Variants in NPIPA1 observed in about 807,000 individuals in gnomAD.
The protein encoded by NPIPA1 is nuclear pore complex interacting protein family member A1.
For synonymous variants in NPIPA1, 7 were observed against 88.0 expected (o/e 0.08, Z 5.15); for missense variants, 22 against 232.2 (o/e 0.09, Z 5.88).
At chr16:14,948,183 G>GC (rs1186514159) in intron 4 of NPIPA1, among the ~76,000 whole-genome samples, 201 of 152,066 alleles carry the variant, frequency 1.3e-3, no homozygotes, top group African/African-American at 4.3e-3. Flanking sequence ...TCCTTTTTCT[G>GC]CCCTCAATCT....
intron 2 of NPIPA1, among the ~76,000 whole-genome samples, chr16:14,943,758 A>T (rs1375277715): frequency 6.6e-5 from 10 of 151,766 alleles, no homozygotes; most frequent in African/African-American, 2.4e-4. Flanking sequence ...ATCTTTTTAG[A>T]TTACCCATTG....
chr16:14,944,907 A>ATTTTT (rs71270869), intron 2 of NPIPA1, among the ~76,000 whole-genome samples: 1 of 123,120 alleles, frequency 8.1e-6, no homozygotes, highest in Non-Finnish European at 1.7e-5. Flanking sequence ...CCTGGCCTAT[A>ATTTTT]TTTTTTTTTT....
At chr16:14,944,050 G>A (rs1309693370) in intron 2 of NPIPA1, among the ~76,000 whole-genome samples, 1 of 152,076 alleles carries the variant, frequency 6.6e-6, no homozygotes, top group African/African-American at 2.4e-5. Context: ...TTGGGAGGCC[G>A]AGGCACAAGA....
At chr16:14,946,521 C>CT (rs60690721) in intron 4 of NPIPA1, among the ~76,000 whole-genome samples, 6 of 142,772 alleles carry the variant, frequency 4.2e-5, no homozygotes, top group African/African-American at 1.3e-4. Flanking sequence ...CACACCCAGG[C>CT]TTTTTTTTTT....
intron 1 of NPIPA1, among the ~76,000 whole-genome samples, chr16:14,938,538 A>G (rs1428252386): frequency 1.4e-5 from 2 of 141,790 alleles, no homozygotes; most frequent in Non-Finnish European, 3.0e-5. Context: ...TCTCTACAAA[A>G]AATTCCAAAA....
At chr16:14,949,564 T>A in intron 5 of NPIPA1, 1 of 480,554 alleles carries the variant, frequency 2.1e-6, no homozygotes, top group East Asian at 7.4e-5. Flanking sequence ...ATAGCAACAG[T>A]TTGGATCAGA....
At chr16:14,938,691 G>A (rs1459617603) in intron 1 of NPIPA1, among the ~76,000 whole-genome samples, 16 of 150,490 alleles carry the variant, frequency 1.1e-4, no homozygotes, top group Admixed American at 4.0e-4. Flanking sequence ...CAAACAAAAC[G>A]GACCAAAACA....
intron 1 of NPIPA1, among the ~76,000 whole-genome samples, chr16:14,938,680 A>G (rs1484460290): frequency 6.7e-6 from 1 of 149,130 alleles, no homozygotes; most frequent in Non-Finnish European, 1.5e-5. Flanking sequence ...CTTGTCTCTA[A>G]CAAACAAAAC....
At chr16:14,938,728 A>G (rs1431247307) in intron 1 of NPIPA1, among the ~76,000 whole-genome samples, 1 of 151,096 alleles carries the variant, frequency 6.6e-6, no homozygotes, top group Non-Finnish European at 1.5e-5. Context: ...GATTTGTGTC[A>G]TCTGGTTTGA....
chr16:14,942,823 C>T (rs1267053076), intron 2 of NPIPA1, among the ~76,000 whole-genome samples: 1 of 152,280 alleles, frequency 6.6e-6, no homozygotes, highest in African/African-American at 2.4e-5. Context: ...GTCTTTTGAG[C>T]CTTTTTTCCT....
chr16:14,937,970 G>C (rs1965656554), intron 1 of NPIPA1, among the ~76,000 whole-genome samples: 1 of 146,628 alleles, frequency 6.8e-6, no homozygotes, highest in African/African-American at 2.5e-5. Context: ...CAGCGCTTGA[G>C]AACTTAATTT....
intron 1 of NPIPA1, among the ~76,000 whole-genome samples, chr16:14,938,761 CAG>C (rs1166975645): frequency 1.3e-5 from 2 of 151,898 alleles, no homozygotes; most frequent in East Asian, 1.9e-4. Context: ...TTTTTTAAGA[CAG>C]AGTCTCATTC....
intron 1 of NPIPA1, chr16:14,938,083 C>T: frequency 5.6e-6 from 2 of 357,998 alleles, no homozygotes; most frequent in South Asian, 2.5e-5. Flanking sequence ...CTTCCCCTCC[C>T]CTTCCCCTCC....
chr16:14,945,209 C>T (rs1228059899), intron 2 of NPIPA1, among the ~76,000 whole-genome samples: 1 of 147,494 alleles, frequency 6.8e-6, no homozygotes, highest in African/African-American at 2.5e-5. Context: ...CCATGCCAGC[C>T]TCATGTCATT....
chr16:14,947,853 C>A (rs1386159200), intron 4 of NPIPA1, among the ~76,000 whole-genome samples: 3 of 151,998 alleles, frequency 2.0e-5, no homozygotes, highest in South Asian at 2.1e-4. Flanking sequence ...GTAGTGATGT[C>A]CTCACTGGCT....
intron 2 of NPIPA1, among the ~76,000 whole-genome samples, chr16:14,945,227 G>GGTGT (rs1555533565): frequency 0.013 from 1,795 of 137,530 alleles, 5 homozygotes; most frequent in South Asian, 0.026. Context: ...ATTCTTGTGT[G>GGTGT]GTGTGTGTGT....
chr16:14,943,213 A>C (rs1217936132), intron 2 of NPIPA1, among the ~76,000 whole-genome samples: 1 of 151,902 alleles, frequency 6.6e-6, no homozygotes, highest in African/African-American at 2.4e-5. Flanking sequence ...CTGGAGTATA[A>C]TGGTGTGATC....
In NPIPA1 at chr16:14,952,048, A is replaced by G. The variant is rs1233910880; in HGVS notation, c.*23A>G. ...TAAGGAAGAATAAATAAATAATATA[A>G]AAATAAAATGAATACTGCAGTCCTT... On this transcript the variant is annotated 3_prime_UTR_variant, in exon 8 of 8. Transcript: ENST00000328085. 2 of 1,550,710 alleles carry G rather than the reference A, an allele frequency of 1.3e-6. No homozygotes were observed. Among genetic ancestry groups the G allele is most frequent in the Admixed American group, 2.0e-5 (1 of 50,308 alleles).
chr16:14,941,249 A>C (rs1965746034), intron 1 of NPIPA1, among the ~76,000 whole-genome samples: 1 of 146,624 alleles, frequency 6.8e-6, no homozygotes, highest in South Asian at 2.2e-4. Flanking sequence ...AGACTGGCCA[A>C]CATGGTGAAA....
Sources: gnomAD v4.1 joint callset for allele counts (sites outside exome capture counted in the v4.1 genomes callset) on GRCh38, gnomAD v4.1.1 for gene constraint, MANE v1.5 for transcripts, NCBI Gene and HGNC (gene_info 2026-07-23, HGNC 2026-07-21) for gene names.